Variants in GRIK1 observed in about 807,000 individuals in gnomAD.
GRIK1 encodes the protein glutamate receptor ionotropic, kainate 1.
GRIK1 carries 69 observed loss-of-function variants against 105.7 expected under a neutral mutation model. The observed-to-expected ratio is 0.65, with a 90% CI of 0.54 to 0.80. The LOEUF (loss-of-function observed/expected upper bound fraction) is 0.80. Ranked by LOEUF, GRIK1 falls within the 30% of genes least tolerant of loss-of-function variation. The pLI is 0.00. For missense variants in GRIK1, 1,109 were observed against 1,167.3 expected, an observed-to-expected ratio of 0.95 and a Z score of 0.73; for synonymous variants, 438 against 431.3, an observed-to-expected ratio of 1.02 and a Z score of -0.19.
chr21:29,733,180 G>C (rs2064685123), intron 1 of GRIK1, among the ~76,000 whole-genome samples: 1 of 152,090 alleles, frequency 6.6e-6, no homozygotes, highest in Non-Finnish European at 1.5e-5. Flanking sequence ...TGGATGGTTT[G>C]TGTAAATAAT....
rs111962572 is a variant in GRIK1, at chr21:29,813,900, C to A, written c.119-119837G>T. ...TAAACACTGAGGCCACGGGTTAGAC[C>A]CCAAGAAACATTCTTTTTTTTTTTT... On this transcript the variant is annotated intron_variant, in intron 1 of 17. Coordinates refer to ENST00000327783, the MANE Select transcript of GRIK1 (RefSeq NM_001330994.2). Among the ~76,000 whole-genome samples the A allele has an allele frequency of 5.4e-3, 814 of 149,662 alleles. 10 individuals carry two copies. The highest frequency in any genetic ancestry group is 0.019 in the African/African-American group (790 of 40,936).
intron 1 of GRIK1, among the ~76,000 whole-genome samples, chr21:29,710,845 C>G (rs995249588): frequency 9.1e-5 from 12 of 131,520 alleles, no homozygotes; most frequent in African/African-American, 3.1e-4. Flanking sequence ...CCTTCCTTTT[C>G]TCTCCCTCCC....
At chr21:29,772,670 T>C (rs1016356150) in intron 1 of GRIK1, among the ~76,000 whole-genome samples, 2 of 152,178 alleles carry the variant, frequency 1.3e-5, no homozygotes, top group Admixed American at 1.3e-4. Context: ...AAAACCAGTT[T>C]GTAAATTTGC....
At chr21:29,558,634 C>T (rs961350405) in intron 15 of GRIK1, among the ~76,000 whole-genome samples, 3 of 151,404 alleles carry the variant, frequency 2.0e-5, no homozygotes, top group Non-Finnish European at 2.9e-5. Context: ...GGCTTTTCAA[C>T]TTTGGAACTT....
At chr21:29,912,476 C>T (rs2070852393) in intron 1 of GRIK1, among the ~76,000 whole-genome samples, 1 of 152,000 alleles carries the variant, frequency 6.6e-6, no homozygotes, top group Non-Finnish European at 1.5e-5. Flanking sequence ...CACTCCTAAC[C>T]AAAAATCGGC....
At chr21:29,783,177 A>G (rs184129515) in intron 1 of GRIK1, among the ~76,000 whole-genome samples, 3 of 152,282 alleles carry the variant, frequency 2.0e-5, no homozygotes, top group Non-Finnish European at 4.4e-5. Context: ...AATATACAGT[A>G]TTTATTGACC....
intron 1 of GRIK1, among the ~76,000 whole-genome samples, chr21:29,781,359 C>T (rs1336870336): frequency 6.6e-6 from 1 of 151,792 alleles, no homozygotes; most frequent in Non-Finnish European, 1.5e-5. Flanking sequence ...TTTTATTTTC[C>T]AGGAACAAGG....
At chr21:29,915,203 C>T (rs796799360) in intron 1 of GRIK1, among the ~76,000 whole-genome samples, 5 of 151,344 alleles carry the variant, frequency 3.3e-5, no homozygotes, top group African/African-American at 1.2e-4. Flanking sequence ...CACACACACA[C>T]AAACACACAC....
chr21:29,737,542 G>C (rs905377384), intron 1 of GRIK1, among the ~76,000 whole-genome samples: 1 of 152,250 alleles, frequency 6.6e-6, no homozygotes, highest in Non-Finnish European at 1.5e-5. Flanking sequence ...ACATCAGTTA[G>C]AGCCTTCTTT....
chr21:29,789,094 A>AG (rs2066341525), intron 1 of GRIK1, among the ~76,000 whole-genome samples: 2 of 152,222 alleles, frequency 1.3e-5, no homozygotes, highest in Non-Finnish European at 2.9e-5. Flanking sequence ...ACCTTACCTG[A>AG]GACCTGTGCT....
intron 1 of GRIK1, among the ~76,000 whole-genome samples, chr21:29,767,729 C>T (rs1028067335): frequency 6.6e-6 from 1 of 152,102 alleles, no homozygotes; most frequent in African/African-American, 2.4e-5. Context: ...TTGAAGTAGA[C>T]TTGCCTTTGA....
At chr21:29,795,196 C>A (rs913608670) in intron 1 of GRIK1, among the ~76,000 whole-genome samples, 1 of 151,628 alleles carries the variant, frequency 6.6e-6, no homozygotes, top group Non-Finnish European at 1.5e-5. Flanking sequence ...CCACCACGCC[C>A]GGCTAATTTT....
chr21:29,612,824 T>C (rs1010919005), intron 7 of GRIK1, among the ~76,000 whole-genome samples: 75 of 152,242 alleles, frequency 4.9e-4, no homozygotes, highest in Non-Finnish European at 1.8e-4. Flanking sequence ...GATTTTCACA[T>C]ATTGTTTACA....
chr21:29,576,888 T>C, intron 14 of GRIK1, 76 bp downstream of exon 14: 3 of 826,292 alleles, frequency 3.6e-6, no homozygotes, highest in East Asian at 2.5e-5. Context: ...TCTTTTTCTT[T>C]TTTTTTTCGA....
chr21:29,824,289 C>T (rs1001143232), intron 1 of GRIK1, among the ~76,000 whole-genome samples: 1 of 151,760 alleles, frequency 6.6e-6, no homozygotes, highest in Admixed American at 6.6e-5. Context: ...TTCTGTTTAC[C>T]ATTCATTCAC....
intron 1 of GRIK1, among the ~76,000 whole-genome samples, chr21:29,905,078 G>C (rs1234586650): frequency 6.6e-6 from 1 of 152,136 alleles, no homozygotes; most frequent in Non-Finnish European, 1.5e-5. Context: ...AGAATCAGAG[G>C]GTCAGAGTGC....
chr21:29,728,309 G>A (rs1444081041), intron 1 of GRIK1, among the ~76,000 whole-genome samples: 3 of 152,172 alleles, frequency 2.0e-5, no homozygotes, highest in African/African-American at 4.8e-5. Flanking sequence ...AATTATTTAG[G>A]TTTGGGAAAC....
chr21:29,885,035 C>T (rs979723071), intron 1 of GRIK1, among the ~76,000 whole-genome samples: 9 of 151,920 alleles, frequency 5.9e-5, no homozygotes, highest in Non-Finnish European at 1.3e-4. Flanking sequence ...TTTAGGTCTC[C>T]TTGAGTAAAT....
intron 9 of GRIK1, among the ~76,000 whole-genome samples, chr21:29,593,116 A>G (rs2061356163): frequency 6.6e-6 from 1 of 152,242 alleles, no homozygotes; most frequent in Non-Finnish European, 1.5e-5. Context: ...ACGTTCACAC[A>G]TCAGTGTGAA....
Sources: allele counts gnomAD v4.1 joint callset (sites outside exome capture counted in the v4.1 genomes callset), GRCh38; gene constraint gnomAD v4.1.1; transcripts MANE v1.5; gene names NCBI Gene and HGNC (gene_info 2026-07-23, HGNC 2026-07-21).